ATP8A2: variants seen among roughly 807,000 people sequenced by gnomAD.
The protein encoded by ATP8A2 is phospholipid-transporting ATPase IB.
In ATP8A2, 100 loss-of-function variants were observed where a neutral mutation model predicts 165.6. The observed-to-expected ratio is 0.60, with a 90% CI of 0.51 to 0.71. The LOEUF (loss-of-function observed/expected upper bound fraction) is 0.71. ATP8A2 is among the 30% of genes least tolerant of loss of function. The pLI is 0.00. For synonymous variants in ATP8A2, 543 were observed against 548.8 expected (o/e 0.99, Z 0.15); for missense variants, 1,227 against 1,479.5 (o/e 0.83, Z 2.80).
chr13:25,757,277 A>T (rs1421824803), intron 25 of ATP8A2, among the ~76,000 whole-genome samples: 1 of 152,182 alleles, frequency 6.6e-6, no homozygotes, highest in African/African-American at 2.4e-5. Context: ...AAGAAAAAGC[A>T]TCGCTCCCTG....
chr13:25,651,097 T>G (rs1460839795), intron 24 of ATP8A2, among the ~76,000 whole-genome samples: 2 of 152,166 alleles, frequency 1.3e-5, no homozygotes, highest in Non-Finnish European at 2.9e-5. Flanking sequence ...AGAACTCACT[T>G]GAAATTTTCT....
intron 23 of ATP8A2, among the ~76,000 whole-genome samples, chr13:25,588,878 A>T (rs1418027279): frequency 6.6e-6 from 1 of 152,062 alleles, no homozygotes; most frequent in Non-Finnish European, 1.5e-5. Context: ...CTCGCCACCG[A>T]GGGTGTGGAT....
rs1245164113 is a variant in ATP8A2, at chr13:25,642,188, T to C, written c.2211+52489T>C. On this transcript the variant is annotated intron_variant, in intron 24 of 36. Coordinates refer to ENST00000381655, the MANE Select transcript of ATP8A2 (RefSeq NM_016529.6). ...GGCAATACCATTCAGGACATAGGCA[T>C]GGGCAAGGACTTCATGTCTACAACA... 2.6e-5 allele frequency among the ~76,000 whole-genome samples: 4 copies of C among 152,194 alleles called. No homozygotes were observed. The East Asian group carries it at 7.7e-4, about 29-fold the overall frequency.
intron 2 of ATP8A2, among the ~76,000 whole-genome samples, chr13:25,506,018 C>T (rs1340437016): frequency 1.3e-5 from 2 of 152,166 alleles, no homozygotes; most frequent in Non-Finnish European, 2.9e-5. Flanking sequence ...GATTACAAAC[C>T]AGCTTTCTGT....
At chr13:25,461,837 A>AAGG (rs1239286824) in intron 1 of ATP8A2, among the ~76,000 whole-genome samples, 5 of 118,264 alleles carry the variant, frequency 4.2e-5, no homozygotes, top group Admixed American at 9.0e-5. Flanking sequence ...GAGGAAGAAG[A>AAGG]AGAAGGAGAA....
At chr13:25,759,420 C>T (rs1422601279) in intron 25 of ATP8A2, among the ~76,000 whole-genome samples, 1 of 152,186 alleles carries the variant, frequency 6.6e-6, no homozygotes, top group Non-Finnish European at 1.5e-5. Flanking sequence ...AAACACTTCT[C>T]AGCTTTCCTC....
intron 25 of ATP8A2, among the ~76,000 whole-genome samples, chr13:25,735,725 A>G (rs2043753244): frequency 6.6e-6 from 1 of 152,238 alleles, no homozygotes; most frequent in African/African-American, 2.4e-5. Context: ...TGGTGGTCCC[A>G]TACGATTATA....
At chr13:25,786,448 G>C (rs2045027857) in intron 27 of ATP8A2, among the ~76,000 whole-genome samples, 1 of 152,194 alleles carries the variant, frequency 6.6e-6, no homozygotes, top group Non-Finnish European at 1.5e-5. Flanking sequence ...GAGCATGTCA[G>C]TGAAATATTG....
chr13:25,968,620 G>C lies in ATP8A2; in HGVS notation c.3318G>C (p.Glu1106Asp). ...CKKTLLEEVQ[E>D]LETKSRVLGK... ...AGACATTGCTGGAGGAGGTGCAGGA[G>C]CTGGAAACCAAGTCTCGAGTCCTGG... Residue 1106 changes from glutamate to aspartate, a missense_variant, in exon 35 of 37, where the codon GAG becomes GAC. Physicochemically the swap from Glu to Asp is conservative, Grantham distance 45. Transcript: ENST00000381655. 1 of 1,613,944 alleles carries C rather than the reference G, an allele frequency of 6.2e-7. No individual in the cohort carries two copies.
intron 24 of ATP8A2, among the ~76,000 whole-genome samples, chr13:25,597,847 GA>G (rs2040277331): frequency 6.6e-6 from 1 of 151,996 alleles, no homozygotes; most frequent in Admixed American, 6.6e-5. Flanking sequence ...TGAAGAGCCA[GA>G]AGTTTTTTGT....
chr13:25,690,043 A>C (rs1324680251), intron 24 of ATP8A2, among the ~76,000 whole-genome samples: 1 of 152,182 alleles, frequency 6.6e-6, no homozygotes, highest in Admixed American at 6.5e-5. Flanking sequence ...TAAAATAAAA[A>C]TCTAGTTTGG....
chr13:25,476,790 G>A lies in ATP8A2; in HGVS notation c.221+7669G>A, dbSNP rs1449211991. Among the ~76,000 whole-genome samples, 12 of 152,282 alleles carry A rather than the reference G, an allele frequency of 7.9e-5. No homozygotes were observed. The East Asian group carries it at 2.3e-3, about 29-fold the overall frequency. On this transcript the variant is annotated intron_variant, in intron 2 of 36. Coordinates refer to ENST00000381655, the MANE Select transcript of ATP8A2 (RefSeq NM_016529.6). ...TTTTGTTTAGAAGTGGATATACTTG[G>A]TTAATTTCCAAGCCAGGCACTGTAC...
At chr13:25,488,741 C>G (rs907054907) in intron 2 of ATP8A2, among the ~76,000 whole-genome samples, 1 of 152,248 alleles carries the variant, frequency 6.6e-6, no homozygotes, top group East Asian at 1.9e-4. Flanking sequence ...AGTACTCTAT[C>G]ACACGGTCAT....
chr13:25,381,503 C>T (rs923883659), intron 1 of ATP8A2, among the ~76,000 whole-genome samples: 6 of 152,152 alleles, frequency 3.9e-5, no homozygotes, highest in African/African-American at 1.4e-4. Context: ...GGGGATGCTG[C>T]TGGACTTTTA....
intron 33 of ATP8A2, 104 bp from the exon 34 acceptor site, chr13:25,961,471 G>A (rs1023917418): frequency 2.2e-5 from 21 of 934,294 alleles, no homozygotes; most frequent in Admixed American, 9.5e-5. Flanking sequence ...CATTTAGTGC[G>A]GTCTGTTGTT....
In ATP8A2 at chr13:25,528,743, TTGTGTATGCATACATATGCAACA is replaced by T. The variant is rs1320972124; in HGVS notation, c.222-1245_222-1223del. 3.7e-4 allele frequency among the ~76,000 whole-genome samples: 52 copies of T among 139,536 alleles called. No individual in the cohort carries two copies. The East Asian group carries it at 3.9e-3, about 11-fold the overall frequency. The allele number at this position is 139,536 out of a possible 152,430, so 91.5% of individuals were successfully genotyped here. On this transcript the variant is annotated intron_variant, in intron 2 of 36. Transcript: ENST00000381655. The stretch of plus-strand genomic sequence containing the variant: ...TGTTACATATGCATACATATGCAAC[TTGTGTATGCATACATATGCAACA>T]TGTGTATGCACACATATGCAACATG...
chr13:25,964,393 A>G (rs1243218737), intron 34 of ATP8A2, among the ~76,000 whole-genome samples: 1 of 152,150 alleles, frequency 6.6e-6, no homozygotes, highest in Admixed American at 6.5e-5. Flanking sequence ...TGAGGCCCAT[A>G]TTATGTCTCA....
At chr13:25,925,535 C>CAAA (rs200471026) in intron 33 of ATP8A2, among the ~76,000 whole-genome samples, 4 of 122,072 alleles carry the variant, frequency 3.3e-5, no homozygotes, top group Non-Finnish European at 3.5e-5. Context: ...GTCTCTGTCT[C>CAAA]AAAAAAAAAA....
intron 25 of ATP8A2, among the ~76,000 whole-genome samples, chr13:25,768,531 T>A (rs1463666059): frequency 6.6e-6 from 1 of 152,136 alleles, no homozygotes; most frequent in Admixed American, 6.6e-5. Flanking sequence ...GGAAGTCTTT[T>A]TTCTTTGCTC....
Sources: allele counts gnomAD v4.1 joint callset (sites outside exome capture counted in the v4.1 genomes callset), GRCh38; gene constraint gnomAD v4.1.1; transcripts MANE v1.5; gene names NCBI Gene and HGNC (gene_info 2026-07-23, HGNC 2026-07-21).